The following DTNA variants were observed in gnomAD, a reference collection of about 807,000 sequenced individuals.
DTNA encodes dystrobrevin alpha.
DTNA carries 43 observed loss-of-function variants against 100.7 expected under a neutral mutation model. The ratio of observed to expected loss-of-function variants is 0.43; its 90% CI spans 0.33 to 0.55. The LOEUF is 0.55. DTNA is among the 20% of genes least tolerant of loss of function. The probability of loss-of-function intolerance (pLI) is 0.04; values close to 1 mark genes in which losing one functional copy is unlikely to be tolerated. For synonymous variants in DTNA, 349 were observed against 347.9 expected, an observed-to-expected ratio of 1.00 and a Z score of -0.04; for missense variants, 798 against 953.9, an observed-to-expected ratio of 0.84 and a Z score of 2.15.
chr18:34,570,597 AT>A (rs1191589207), intron 1 of DTNA, among the ~76,000 whole-genome samples: 1 of 152,184 alleles, frequency 6.6e-6, no homozygotes, highest in East Asian at 1.9e-4. Flanking sequence ...TATTCCAAAG[AT>A]TTTTTTAAAA....
At chr18:34,777,304 C>T (rs796642384) in intron 3 of DTNA, among the ~76,000 whole-genome samples, 8 of 152,250 alleles carry the variant, frequency 5.3e-5, no homozygotes, top group African/African-American at 1.7e-4. Flanking sequence ...TTTGAGACTA[C>T]TGGGGAGGAG....
chr18:34,607,898 CAGTG>C (rs2053461910), intron 1 of DTNA, among the ~76,000 whole-genome samples: 1 of 152,190 alleles, frequency 6.6e-6, no homozygotes, highest in Non-Finnish European at 1.5e-5. Flanking sequence ...TTTCGATACT[CAGTG>C]AGGAAGGCTT....
At chr18:34,775,820 A>G (rs1299059020) in intron 3 of DTNA, among the ~76,000 whole-genome samples, 1 of 152,262 alleles carries the variant, frequency 6.6e-6, no homozygotes, top group Non-Finnish European at 1.5e-5. Context: ...GGAACCAGTC[A>G]TGCCATACTT....
At chr18:34,822,975 G>A (rs1287398510) in intron 9 of DTNA, among the ~76,000 whole-genome samples, 3 of 152,104 alleles carry the variant, frequency 2.0e-5, no homozygotes, top group African/African-American at 7.2e-5. Context: ...AATTGTACAA[G>A]ATATTTAATT....
At chr18:34,599,955 G>A (rs917895025) in intron 1 of DTNA, among the ~76,000 whole-genome samples, 1 of 152,134 alleles carries the variant, frequency 6.6e-6, no homozygotes, top group African/African-American at 2.4e-5. Flanking sequence ...TGGGATTACA[G>A]GTGTGAGCCA....
At position 34,836,534 on chromosome 18, in the gene DTNA, A is replaced by G. The variant is rs929783426; in HGVS notation, c.1176-1560A>G. 2.0e-5 allele frequency among the ~76,000 whole-genome samples: 3 copies of G among 151,278 alleles called. No individual in the cohort carries two copies. The South Asian group carries it at 6.3e-4, about 32-fold the overall frequency. On this transcript the variant is annotated intron_variant, in intron 11 of 22. Coordinates refer to ENST00000444659, the MANE Select transcript of DTNA (RefSeq NM_001386795.1). ...GTGGTGGCGCATGCCTGTAATCCCAACTACTCGGGAGGCTGAGGCAGGAGA... is the reference window on the plus strand; with the variant it reads ...GTGGTGGCGCATGCCTGTAATCCCAGCTACTCGGGAGGCTGAGGCAGGAGA...
chr18:34,796,972 C>T (rs1348836331), intron 4 of DTNA, among the ~76,000 whole-genome samples: 1 of 152,170 alleles, frequency 6.6e-6, no homozygotes, highest in East Asian at 1.9e-4. Flanking sequence ...ATTTTCATAC[C>T]AGGATGCTTA....
At chr18:34,592,980 C>A (rs777158163) in intron 1 of DTNA, among the ~76,000 whole-genome samples, 1 of 152,176 alleles carries the variant, frequency 6.6e-6, no homozygotes, top group South Asian at 2.1e-4. Flanking sequence ...CTTTCTGCTT[C>A]CAGGAATGCC....
At chr18:34,811,856 T>C in intron 5 of DTNA, 103 bp from the exon 6 acceptor site, 1 of 1,310,222 alleles carries the variant, frequency 7.6e-7, no homozygotes, top group Non-Finnish European at 1.1e-6. Flanking sequence ...TCATAAAAAA[T>C]GTTTATTTTG....
chr18:34,589,138 G>C (rs1159652731), intron 1 of DTNA, among the ~76,000 whole-genome samples: 1 of 151,930 alleles, frequency 6.6e-6, no homozygotes, highest in African/African-American at 2.4e-5. Flanking sequence ...CAATTTTTAA[G>C]TTTATTGGCA....
intron 17 of DTNA, chr18:34,866,722 A>G: frequency 2.0e-6 from 2 of 992,136 alleles, no homozygotes; most frequent in Non-Finnish European, 2.4e-6. Flanking sequence ...ACTGTACTCC[A>G]TAACTGACTA....
At chr18:34,884,429 TC>T (rs1445918582) in intron 21 of DTNA, among the ~76,000 whole-genome samples, 9 of 152,336 alleles carry the variant, frequency 5.9e-5, no homozygotes, top group South Asian at 4.1e-4. Context: ...CCTCTCCCTC[TC>T]CTTTCTTTTC....
intron 1 of DTNA, 98 bp downstream of exon 1, chr18:34,710,543 C>T (rs1343287994): frequency 6.6e-6 from 1 of 152,158 alleles, no homozygotes; most frequent in Admixed American, 6.6e-5. Flanking sequence ...CACCCCCACC[C>T]CCACATGGGC....
chr18:34,535,100 C>T (rs1004146282), intron 1 of DTNA, among the ~76,000 whole-genome samples: 2 of 152,132 alleles, frequency 1.3e-5, no homozygotes, highest in African/African-American at 4.8e-5. Context: ...CTAATTTACA[C>T]TCCCACCAAC....
At chr18:34,605,380 G>C (rs1277220028) in intron 1 of DTNA, among the ~76,000 whole-genome samples, 1 of 152,086 alleles carries the variant, frequency 6.6e-6, no homozygotes, top group East Asian at 1.9e-4. Context: ...TTCTAATAAG[G>C]TAATATAAGA....
In DTNA at chr18:34,844,021, G is replaced by A. The variant is rs16966068; in HGVS notation, c.1347-4275G>A. Among the ~76,000 whole-genome samples, 667 of 152,060 alleles carry A rather than the reference G, an allele frequency of 4.4e-3. 5 individuals carry two copies. Among genetic ancestry groups the A allele is most frequent in the African/African-American group, 0.016 (649 of 41,476 alleles). ...TCCTTTTGTTTAGTAAAATTTTTAG[G>A]AACTTCAATTATAGAACTGGACTTC... On this transcript the variant is annotated intron_variant, in intron 13 of 22. Coordinates refer to ENST00000444659, the MANE Select transcript of DTNA (RefSeq NM_001386795.1).
intron 1 of DTNA, among the ~76,000 whole-genome samples, chr18:34,528,723 C>T (rs1204117868): frequency 6.6e-6 from 1 of 151,980 alleles, no homozygotes; most frequent in East Asian, 1.9e-4. Context: ...ACCCCTAAAT[C>T]AAATCACTAA....
intron 1 of DTNA, chr18:34,503,940 A>C (rs538337493): frequency 6.6e-6 from 1 of 152,044 alleles, no homozygotes; most frequent in East Asian, 1.9e-4. Context: ...GGTTCACATC[A>C]TTCTCCTGCT....
At chr18:34,806,379 A>G (rs1391072451) in intron 5 of DTNA, 75 bp downstream of exon 5, 18 of 1,173,870 alleles carry the variant, frequency 1.5e-5, no homozygotes, top group Non-Finnish European at 2.2e-5. Context: ...TCATTCCTCT[A>G]TGTCCCCTCC....
Sources: gnomAD v4.1 joint callset for allele counts (sites outside exome capture counted in the v4.1 genomes callset) on GRCh38, gnomAD v4.1.1 for gene constraint, MANE v1.5 for transcripts, NCBI Gene and HGNC (gene_info 2026-07-23, HGNC 2026-07-21) for gene names.